Variants in CFAP91 observed in about 807,000 individuals in gnomAD.
CFAP91 encodes the protein cilia and flagella associated protein 91.
A neutral mutation model predicts 95.9 loss-of-function variants in CFAP91; 85 were observed. That is an observed-to-expected ratio of 0.89 (90% CI 0.74 to 1.06). CFAP91 has a LOEUF of 1.06. Among genes scored for constraint, CFAP91 ranks in the 50% least tolerant of loss-of-function variants. The pLI, the probability that CFAP91 is intolerant of heterozygous loss-of-function variation, is 0.00. For synonymous variants in CFAP91, 335 were observed against 327.5 expected (o/e 1.02, Z -0.25); for missense variants, 962 against 943.4 (o/e 1.02, Z -0.26).
chr3:119,721,047 A>T (rs2053675054), intron 6 of CFAP91, among the ~76,000 whole-genome samples: 1 of 152,238 alleles, frequency 6.6e-6, no homozygotes, highest in Non-Finnish European at 1.5e-5. Flanking sequence ...TATACTAGTA[A>T]GGAAACTTAC....
At position 119,733,380 on chromosome 3, in the gene CFAP91, G is replaced by A. The variant is rs772247659; in HGVS notation, c.1218G>A (p.Glu406=). 1 of 1,614,030 alleles carries A rather than the reference G, an allele frequency of 6.2e-7. No individual in the cohort carries two copies. The highest frequency in any genetic ancestry group is 1.3e-5 in the African/African-American group (1 of 75,038). The change falls in exon 10 of 18, where the codon GAG becomes GAA. Residue 406 remains glutamate (E), a synonymous_variant. Coordinates refer to ENST00000273390, the MANE Select transcript of CFAP91 (RefSeq NM_033364.4). ...TTCCCATAGGATTAGTGGAACTTGAGTCATGTCTCCCAGATTTTGTGACAC... is the reference window on the plus strand; with the variant it reads ...TTCCCATAGGATTAGTGGAACTTGAATCATGTCTCCCAGATTTTGTGACAC... ...LNTYEGLVEL[E]SCLPDFVTQP... is the part of the protein sequence containing the mutation.
intron 6 of CFAP91, among the ~76,000 whole-genome samples, chr3:119,716,799 C>T (rs930304858): frequency 1.3e-5 from 2 of 152,044 alleles, no homozygotes; most frequent in Non-Finnish European, 2.9e-5. Flanking sequence ...ACCGTGTTAG[C>T]CAGGATGGTC....
chr3:119,754,855 G>A (rs1257628905), intron 17 of CFAP91, among the ~76,000 whole-genome samples: 4 of 152,198 alleles, frequency 2.6e-5, no homozygotes, highest in Admixed American at 2.6e-4. Flanking sequence ...CAAAGGGGCA[G>A]AGCCATGGGA....
intron 1 of CFAP91, among the ~76,000 whole-genome samples, chr3:119,703,441 G>A (rs2053297943): frequency 6.6e-6 from 1 of 152,238 alleles, no homozygotes; most frequent in Non-Finnish European, 1.5e-5. Context: ...AAAGGCGCGG[G>A]TGCGCTCCGC....
In CFAP91 at chr3:119,703,200, T is replaced by C. The variant is rs199908907; in HGVS notation, c.102T>C (p.Asn34=). 2 of 1,612,032 alleles carry C rather than the reference T, an allele frequency of 1.2e-6. No individual in the cohort carries two copies. Among genetic ancestry groups the C allele is most frequent in the East Asian group, 2.2e-5 (1 of 44,854 alleles). ...RSRAGSHISS[N]RAYDFLYDPL... ...GGGCTGGGAGCCACATCTCCTCCAA[T>C]CGAGCGTATGATTTTCTGTACGGTA... Residue 34 remains asparagine (N), a synonymous_variant, in exon 1 of 18, where the codon AAT becomes AAC. Coordinates refer to ENST00000273390, the MANE Select transcript of CFAP91 (RefSeq NM_033364.4).
At chr3:119,744,549 A>G (rs2054186946) in intron 14 of CFAP91, among the ~76,000 whole-genome samples, 1 of 152,174 alleles carries the variant, frequency 6.6e-6, no homozygotes, top group African/African-American at 2.4e-5. Context: ...GGCGGCCAGG[A>G]AGGAGCTGTT....
intron 11 of CFAP91, 45 bp from the exon 12 acceptor site, chr3:119,739,210 C>G: frequency 6.9e-7 from 1 of 1,459,664 alleles, no homozygotes; most frequent in Non-Finnish European, 9.6e-7. Context: ...GATGCTTGGA[C>G]TACTGCAGTT....
At chr3:119,736,987 C>T (rs1207913194) in intron 10 of CFAP91, among the ~76,000 whole-genome samples, 5 of 152,124 alleles carry the variant, frequency 3.3e-5, no homozygotes, top group African/African-American at 7.2e-5. Flanking sequence ...CAGGCATGCA[C>T]CACCATGCCC....
At chr3:119,739,555 T>C (rs1264205001) in intron 12 of CFAP91, among the ~76,000 whole-genome samples, 1 of 152,054 alleles carries the variant, frequency 6.6e-6, no homozygotes, top group Non-Finnish European at 1.5e-5. Context: ...AGGACCTACC[T>C]GCTATTTGCC....
intron 17 of CFAP91, 124 bp downstream of exon 17, chr3:119,751,222 A>G (rs1355624675): frequency 9.1e-7 from 1 of 1,093,996 alleles, no homozygotes; most frequent in South Asian, 1.8e-5. Flanking sequence ...GAGGACTTCC[A>G]CTTAAATTGG....
At chr3:119,743,582 A>C (rs956380447) in intron 13 of CFAP91, among the ~76,000 whole-genome samples, 1 of 152,236 alleles carries the variant, frequency 6.6e-6, no homozygotes, top group Admixed American at 6.5e-5. Context: ...AATTTCTAGG[A>C]GATTCAATTT....
At chr3:119,708,799 A>G (rs1051708307) in intron 4 of CFAP91, 125 bp downstream of exon 4, 5 of 598,348 alleles carry the variant, frequency 8.4e-6, no homozygotes, top group African/African-American at 1.9e-5. Context: ...AGTGCTTTAC[A>G]TGCATATGAT....
At chr3:119,728,509 T>C (rs2053829521) in intron 7 of CFAP91, among the ~76,000 whole-genome samples, 1 of 152,204 alleles carries the variant, frequency 6.6e-6, no homozygotes. Context: ...CACTTTACCA[T>C]TGAAGAGATT....
chr3:119,755,118 G>T (rs1352374727), intron 17 of CFAP91, among the ~76,000 whole-genome samples: 2 of 152,110 alleles, frequency 1.3e-5, no homozygotes, highest in Non-Finnish European at 2.9e-5. Flanking sequence ...TTTTGCCTCA[G>T]GACAAGTCAT....
chr3:119,734,948 T>C (rs1396343431), intron 10 of CFAP91, among the ~76,000 whole-genome samples: 2 of 152,200 alleles, frequency 1.3e-5, no homozygotes, highest in Non-Finnish European at 2.9e-5. Flanking sequence ...CTGCAATTTC[T>C]TTACAACTTA....
intron 10 of CFAP91, among the ~76,000 whole-genome samples, chr3:119,736,879 C>T (rs1393241802): frequency 6.6e-6 from 1 of 151,836 alleles, no homozygotes; most frequent in African/African-American, 2.4e-5. Context: ...TCTTGTTGCC[C>T]AGGCTGGAGT....
intron 13 of CFAP91, among the ~76,000 whole-genome samples, chr3:119,743,684 A>G (rs919719358): frequency 3.3e-5 from 5 of 152,056 alleles, no homozygotes; most frequent in African/African-American, 1.2e-4. Flanking sequence ...AAATTGAAAG[A>G]AAAAAAACCC....
chr3:119,709,316 G>A (rs539839464), intron 4 of CFAP91, among the ~76,000 whole-genome samples: 1 of 152,256 alleles, frequency 6.6e-6, no homozygotes, highest in South Asian at 2.1e-4. Context: ...TTATTTATGA[G>A]CAACCTCCTT....
chr3:119,747,094 G>A (rs775123444), intron 14 of CFAP91, 21 bp from the exon 15 acceptor site: 2 of 1,530,548 alleles, frequency 1.3e-6, no homozygotes, highest in East Asian at 2.3e-5. Flanking sequence ...GTTTTAGTGA[G>A]GGTATTATTG....
Sources: gnomAD v4.1 joint callset for allele counts (sites outside exome capture counted in the v4.1 genomes callset) on GRCh38, gnomAD v4.1.1 for gene constraint, MANE v1.5 for transcripts, NCBI Gene and HGNC (gene_info 2026-07-23, HGNC 2026-07-21) for gene names.